TATDN2: variants seen among roughly 807,000 people sequenced by gnomAD.
TATDN2 encodes the protein TatD DNase domain containing 2.
TATDN2 carries 44 observed loss-of-function variants against 60.3 expected under a neutral mutation model. The ratio of observed to expected loss-of-function variants is 0.73; its 90% CI spans 0.57 to 0.94. TATDN2 has a LOEUF of 0.94. Ranked by LOEUF, TATDN2 falls within the 40% of genes least tolerant of loss-of-function variation. The pLI is 0.00. For synonymous variants in TATDN2, 399 were observed against 355.8 expected (o/e 1.12, Z -1.37); for missense variants, 997 against 948.0 (o/e 1.05, Z -0.68).
intron 3 of TATDN2, among the ~76,000 whole-genome samples, chr3:10,266,227 T>A (rs1475730048): frequency 6.6e-6 from 1 of 152,192 alleles, no homozygotes; most frequent in African/African-American, 2.4e-5. Flanking sequence ...AATTGGAAAT[T>A]CCCACATAAA....
intron 3 of TATDN2, among the ~76,000 whole-genome samples, chr3:10,263,099 C>T (rs976601866): frequency 6.6e-6 from 1 of 152,032 alleles, no homozygotes; most frequent in South Asian, 2.1e-4. Context: ...TGGGGTTTCA[C>T]CATTTTGGTG....
chr3:10,276,476 A>T lies in TATDN2; in HGVS notation c.1949A>T (p.Tyr650Phe). 1 of 1,614,104 alleles carries T rather than the reference A, an allele frequency of 6.2e-7. No individual in the cohort carries two copies. Among genetic ancestry groups the T allele is most frequent in the Non-Finnish European group, 8.5e-7 (1 of 1,179,968 alleles). ...EIMKKFVPPD[Y>F]KIHRHCFTGS... is the part of the protein sequence containing the mutation. ...ATGAAAAAGTTTGTGCCCCCTGACT[A>T]CAAGATCCATAGGTTAGAAGACTGG... The change falls in exon 5 of 8, where the codon TAC becomes TTC. Residue 650 changes from tyrosine to phenylalanine, a missense_variant. Tyr to Phe is a conservative substitution (Grantham distance 22). Transcript: ENST00000448281.
Position 10,270,571 on chromosome 3 carries a change from A to C in TATDN2, c.1389A>C (p.Arg463Ser), listed in dbSNP as rs1197218894. 1 of 1,614,228 alleles carries C rather than the reference A, an allele frequency of 6.2e-7. No homozygotes were observed. The highest frequency in any genetic ancestry group is 1.3e-5 in the African/African-American group (1 of 75,054). Reference sequence around the variant, plus strand: ...AAGAAAGAGAGGTGAAGGAGAAAAGAACATTCCAAGAGGAGATGCCTCCGC... The same window carrying C: ...AAGAAAGAGAGGTGAAGGAGAAAAGCACATTCCAAGAGGAGATGCCTCCGC... ...SSEEREVKEK[R>S]TFQEEMPPRP... The change falls in exon 4 of 8, where the codon AGA (arginine) becomes AGC (serine). Residue 463 changes from arginine to serine, a missense_variant. By Grantham distance (110) the Arg-to-Ser change is moderately radical. Coordinates refer to ENST00000448281, the MANE Select transcript of TATDN2 (RefSeq NM_014760.4).
rs1188700204 is a variant in TATDN2 at position 10,248,914 on chromosome 3, C to T, written c.-160C>T. 5.2e-6 allele frequency: 2 copies of T among 381,734 alleles called. No homozygotes were observed. Among genetic ancestry groups the T allele is most frequent in the South Asian group, 1.2e-4 (1 of 8,600 alleles). The allele number at this position is 381,734 out of a possible 1,614,324, so 23.6% of individuals were successfully genotyped here. A position where few individuals can be genotyped will look rare whatever the true frequency, so the allele number is the denominator to read the frequency against. ...TAGGCATCTCCGAAGTAGCGCTGGGCAAAGTGAAGGCTTCCTGATCTCAGA... is the reference window on the plus strand; with the variant it reads ...TAGGCATCTCCGAAGTAGCGCTGGGTAAAGTGAAGGCTTCCTGATCTCAGA... On this transcript the variant is annotated 5_prime_UTR_variant, in exon 1 of 8. Transcript: ENST00000448281.
Position 10,278,159 on chromosome 3 carries a change from C to A in TATDN2, c.1962-120C>A. Reference sequence around the variant, plus strand: ...TGTCTGTGTTTACTGTGGAGTCCTTCCCTAGGATGCAGTCTTTCCATTTCT... The same window carrying A: ...TGTCTGTGTTTACTGTGGAGTCCTTACCTAGGATGCAGTCTTTCCATTTCT... On this transcript the variant is annotated intron_variant, in intron 5 of 7. Transcript: ENST00000448281. This position sits in a 1 kb window ranked among gnomAD's most constrained non-coding sequence, Gnocchi z 4.7. 8.3e-7 allele frequency: 1 copy of A among 1,202,278 alleles called. No individual in the cohort carries two copies. The highest frequency in any genetic ancestry group is 1.2e-6 in the Non-Finnish European group (1 of 849,960). 74.5% of individuals were successfully genotyped at this position (1,202,278 alleles called of 1,614,324 possible). A position where few individuals can be genotyped will look rare whatever the true frequency, so the allele number is the denominator to read the frequency against.
At chr3:10,252,693 C>CTTT (rs57537171) in intron 2 of TATDN2, among the ~76,000 whole-genome samples, 22 of 147,146 alleles carry the variant, frequency 1.5e-4, no homozygotes, top group Admixed American at 4.1e-4. Context: ...GCTCTGTAAA[C>CTTT]TTTTTTTTTT....
At chr3:10,254,644 C>G (rs1206917961) in intron 2 of TATDN2, among the ~76,000 whole-genome samples, 1 of 152,172 alleles carries the variant, frequency 6.6e-6, no homozygotes, top group Non-Finnish European at 1.5e-5. Flanking sequence ...TAGAGCTCCT[C>G]TGGCACGCTG....
chr3:10,265,447 T>C (rs926348706), intron 3 of TATDN2, among the ~76,000 whole-genome samples: 9 of 150,900 alleles, frequency 6.0e-5, no homozygotes, highest in South Asian at 2.1e-4. Flanking sequence ...TTTGGGAGGC[T>C]GAGGCAGGTG....
At chr3:10,269,710 T>TA (rs1473391227) in intron 3 of TATDN2, among the ~76,000 whole-genome samples, 3 of 152,034 alleles carry the variant, frequency 2.0e-5, no homozygotes, top group Non-Finnish European at 4.4e-5. Context: ...GAAAAAAAAA[T>TA]ACAACTGCCA....
Position 10,249,594 on chromosome 3 carries a change from G to A in TATDN2, c.394G>A (p.Glu132Lys), listed in dbSNP as rs1698190947. 2.6e-6 allele frequency: 4 copies of A among 1,524,140 alleles called. No individual in the cohort carries two copies. Among genetic ancestry groups the A allele is most frequent in the Non-Finnish European group, 3.5e-6 (4 of 1,137,570 alleles). The allele number at this position is 1,524,140 out of a possible 1,614,324, so 94.4% of individuals were successfully genotyped here. Residue 132 changes from glutamate (E) to lysine (K), a missense_variant, in exon 2 of 8, where the codon GAG (glutamate) becomes AAG (lysine). By Grantham distance (56) the Glu-to-Lys change is moderately conservative (BLOSUM62 1). Coordinates refer to ENST00000448281, the MANE Select transcript of TATDN2 (RefSeq NM_014760.4). ...TTTGGAAGAAATGGCTTCTCTAGAG[G>A]AGGAAGCCTGCAGCCTTAAGGTAGG... ...ASLEEMASLEEEACSLKVDSK... is the reference protein window; with the variant it reads ...ASLEEMASLEKEACSLKVDSK...
chr3:10,249,369 G>A lies in TATDN2; in HGVS notation c.169G>A (p.Ala57Thr), dbSNP rs139680303. 62 of 1,612,940 alleles carry A rather than the reference G, an allele frequency of 3.8e-5. No homozygotes were observed. The highest frequency in any genetic ancestry group is 5.1e-5 in the Non-Finnish European group (60 of 1,179,396). ...GCCCAGCAGCCCCAAGCGCCTGAAA[G>A]CCCAGAAGGAGGACGATGTGGCTTG... ...GGPSSPKRLK[A>T]QKEDDVACSR... The change falls in exon 2 of 8, where the codon GCC becomes ACC. Residue 57 changes from alanine to threonine, a missense_variant. Transcript: ENST00000448281.
In TATDN2 at chr3:10,279,009, G is replaced by T. The variant is rs150531495; in HGVS notation, c.2270G>T (p.Arg757Leu). The T allele has an allele frequency of 6.2e-7, 1 of 1,614,212 alleles. No individual in the cohort carries two copies. Among genetic ancestry groups the T allele is most frequent in the African/African-American group, 1.3e-5 (1 of 75,060 alleles). ...GCTGCCTTGCGTGAGAACACCAGTC[G>T]CCTCTACAGTCTTTAAGCAGAGAAG... Reference protein sequence around the residue: ...TLAALRENTSRLYSL With the variant: ...TLAALRENTSLLYSL The change falls in exon 7 of 8, where the codon CGC becomes CTC. Residue 757 changes from arginine (R) to leucine (L), a missense_variant. By Grantham distance (102) the Arg-to-Leu change is moderately radical. Transcript: ENST00000448281.
At chr3:10,252,248 C>A (rs190158376) in intron 2 of TATDN2, among the ~76,000 whole-genome samples, 1 of 148,060 alleles carries the variant, frequency 6.8e-6, no homozygotes, top group East Asian at 2.0e-4. Flanking sequence ...TGTCCTCTTG[C>A]CTTGTCCTCC....
chr3:10,254,042 G>T (rs1195082363), intron 2 of TATDN2, among the ~76,000 whole-genome samples: 1 of 152,238 alleles, frequency 6.6e-6, no homozygotes, highest in Non-Finnish European at 1.5e-5. Context: ...GTTAGCCCAG[G>T]CACAGTAAAG....
At chr3:10,255,101 C>G (rs13319083) in intron 2 of TATDN2, among the ~76,000 whole-genome samples, 12,640 of 146,420 alleles carry the variant, frequency 0.086, 688 homozygotes, top group East Asian at 0.28. Flanking sequence ...TCCTTGACCT[C>G]CTGGCTCAGG....
chr3:10,278,926 C>T lies in TATDN2; in HGVS notation c.2187C>T (p.Ala729=), dbSNP rs370145627. 18 of 1,612,800 alleles carry T rather than the reference C, an allele frequency of 1.1e-5. No individual in the cohort carries two copies. Among genetic ancestry groups the T allele is most frequent in the South Asian group, 5.5e-5 (5 of 90,894 alleles). The change falls in exon 7 of 8, where the codon GCC becomes GCT. Residue 729 remains alanine, a synonymous_variant. Coordinates refer to ENST00000448281, the MANE Select transcript of TATDN2 (RefSeq NM_014760.4). This position sits in a 1 kb window ranked among gnomAD's most constrained non-coding sequence, Gnocchi z 4.7. ...SLCQYAHPGL[A]LHTVREIARV... ...GCCAGTATGCCCACCCGGGCCTGGC[C>T]TTGCATACGGTCCGAGAGATTGCCA...
intron 2 of TATDN2, among the ~76,000 whole-genome samples, chr3:10,258,731 A>G (rs969009723): frequency 2.0e-5 from 3 of 149,698 alleles, no homozygotes; most frequent in Non-Finnish European, 4.4e-5. Flanking sequence ...CGGCCTCCCA[A>G]AGTGCTGGGA....
intron 2 of TATDN2, among the ~76,000 whole-genome samples, chr3:10,258,510 G>C (rs1456966395): frequency 6.9e-6 from 1 of 144,640 alleles, no homozygotes; most frequent in Non-Finnish European, 1.5e-5. Context: ...TGCTCTTGTT[G>C]CCTGGGCTGG....
In TATDN2 at chr3:10,278,673, A is replaced by AGCC. The variant is rs1305904975; in HGVS notation, c.2146-211_2146-209dup. The AGCC allele has an allele frequency of 2.1e-6, 2 of 974,986 alleles. No homozygotes were observed. The highest frequency in any genetic ancestry group is 3.2e-5 in the African/African-American group (2 of 62,146). 60.4% of individuals were successfully genotyped at this position (974,986 alleles called of 1,614,324 possible). On this transcript the variant is annotated intron_variant, in intron 6 of 7. Transcript: ENST00000448281. The surrounding 1 kb of genome is among the most constrained non-coding windows in gnomAD (Gnocchi z 4.7). Reference sequence around the variant, plus strand: ...AACCACTCTCTTCCAGGCAGTGCAAAGCCCTACCCTGTAGAGGGTAGTCCA... The same window carrying AGCC: ...AACCACTCTCTTCCAGGCAGTGCAAAGCCGCCCTACCCTGTAGAGGGTAGTCCA...
Sources: gnomAD v4.1 joint callset for allele counts (sites outside exome capture counted in the v4.1 genomes callset) on GRCh38, gnomAD v4.1.1 for gene constraint, Gnocchi (gnomAD v3.1) non-coding constraint, MANE v1.5 for transcripts, NCBI Gene and HGNC (gene_info 2026-07-23, HGNC 2026-07-21) for gene names.